Variants in IRAG2 observed in about 807,000 individuals in gnomAD.
The protein encoded by IRAG2 is lymphoid restricted membrane protein.
A neutral mutation model predicts 69.9 loss-of-function variants in IRAG2; 45 were observed. The observed-to-expected ratio is 0.64, with a 90% confidence interval of 0.51 to 0.83. The LOEUF is 0.83. Among genes scored for constraint, IRAG2 ranks in the 40% least tolerant of loss-of-function variants. IRAG2 has a pLI of 0.00. For synonymous variants in IRAG2, 193 were observed against 202.4 expected (o/e 0.95, Z 0.40); for missense variants, 520 against 587.0 (o/e 0.89, Z 1.18).
At chr12:25,017,101 G>A in intron 5 of IRAG2, 1 of 1,229,436 alleles carries the variant, frequency 8.1e-7, no homozygotes, top group Non-Finnish European at 1.0e-6. Flanking sequence ...TTAGTGATGT[G>A]AAGGTTATTC....
intron 5 of IRAG2, among the ~76,000 whole-genome samples, chr12:25,068,562 G>A (rs1401009860): frequency 1.3e-5 from 2 of 151,974 alleles, no homozygotes; most frequent in Admixed American, 6.6e-5. Context: ...AAGTTCCAAC[G>A]CTCAAACCAC....
chr12:25,028,189 T>C (rs1944639611), intron 9 of IRAG2, among the ~76,000 whole-genome samples: 1 of 152,194 alleles, frequency 6.6e-6, no homozygotes, highest in East Asian at 1.9e-4. Context: ...CCTCCCAAAG[T>C]GTTGGGATTA....
intron 5 of IRAG2, among the ~76,000 whole-genome samples, chr12:25,066,888 G>A (rs780044119): frequency 6.6e-6 from 1 of 151,962 alleles, no homozygotes; most frequent in Non-Finnish European, 1.5e-5. Context: ...GGCCTCAAGT[G>A]ATCTGCCCTC....
chr12:25,005,261 G>C, exon 2 of IRAG2: 1 of 1,229,348 alleles, frequency 8.1e-7, no homozygotes, highest in African/African-American at 1.6e-5. Flanking sequence ...AGAAGCTGAT[G>C]ATGGTAAAGA....
At chr12:25,048,029 G>T (rs1056717983), upstream of IRAG2, among the ~76,000 whole-genome samples, 3 of 152,140 alleles carry the variant, frequency 2.0e-5, no homozygotes, top group Admixed American at 1.3e-4. Context: ...AGATCTTTGA[G>T]GAATTACCAC....
chr12:25,047,962 T>A (rs1944811095), upstream of IRAG2, among the ~76,000 whole-genome samples: 1 of 152,206 alleles, frequency 6.6e-6, no homozygotes, highest in Non-Finnish European at 1.5e-5. Flanking sequence ...TTTATATTCC[T>A]TGGGTATATA....
intron 8 of IRAG2, among the ~76,000 whole-genome samples, chr12:25,025,064 T>C (rs930273015): frequency 6.6e-6 from 1 of 152,354 alleles, no homozygotes; most frequent in Admixed American, 6.5e-5. Context: ...CTTTTATTCA[T>C]TCATTCATTT....
At chr12:24,998,115 A>G in the IRAG2 span, among the ~76,000 whole-genome samples, 7 of 152,248 alleles carry the variant, frequency 4.6e-5, no homozygotes, top group South Asian at 1.4e-3. Context: ...CTCTGAGAAG[A>G]AAACCAGACT....
Position 25,087,153 on chromosome 12 carries a change from C to CTTTTTTTT in IRAG2, c.316-925_316-918dup. On this transcript the variant is annotated intron_variant, in intron 10 of 21. Transcript: ENST00000556887. ...TGGTGTCATGGTGCCACTCTCCTTC[C>CTTTTTTTT]TTTTTTTTTTTTTTTTTTTTTTTTT... Among the ~76,000 whole-genome samples, 77 of 76,678 alleles carry CTTTTTTTT rather than the reference C, an allele frequency of 1.0e-3. 7 individuals carry two copies. The highest frequency in any genetic ancestry group is 1.1e-3 in the Non-Finnish European group (46 of 42,618). 50.3% of individuals were successfully genotyped at this position (76,678 alleles called of 152,430 possible).
chr12:25,050,547 ACAAAC>A (rs771286610), upstream of IRAG2, among the ~76,000 whole-genome samples: 12,241 of 105,470 alleles, frequency 0.12, 2,897 homozygotes, highest in Non-Finnish European at 0.17. Flanking sequence ...AAACAAACAA[ACAAAC>A]AAAAAAAAAC....
rs768193372 is a variant in IRAG2 at position 25,096,862 on chromosome 12, G to A, written c.607-48G>A. On this transcript the variant is annotated intron_variant, in intron 14 of 21. Transcript: ENST00000556887. ...AACTTAGTCAGTGTTAGAATCACTC[G>A]CTGAATGCTTGTGTTAGATATCTTT... 1.8e-5 allele frequency: 28 copies of A among 1,519,722 alleles called. No homozygotes were observed. The South Asian group carries it at 2.2e-4, about 12-fold the overall frequency. 94.1% of individuals were successfully genotyped at this position (1,519,722 alleles called of 1,614,324 possible).
At chr12:25,079,968 GT>G (rs1947085927) in intron 9 of IRAG2, among the ~76,000 whole-genome samples, 1 of 152,108 alleles carries the variant, frequency 6.6e-6, no homozygotes, top group African/African-American at 2.4e-5. Context: ...CATAAGGATG[GT>G]ATCAATTTTT....
intron 6 of IRAG2, among the ~76,000 whole-genome samples, chr12:25,020,191 T>C (rs1208201866): frequency 6.6e-6 from 1 of 152,266 alleles, no homozygotes; most frequent in African/African-American, 2.4e-5. Context: ...AACTTCATGA[T>C]ATGGATTACC....
intron 16 of IRAG2, among the ~76,000 whole-genome samples, chr12:25,040,468 A>C (rs1039388580): frequency 6.6e-6 from 1 of 152,032 alleles, no homozygotes; most frequent in African/African-American, 2.4e-5. Context: ...GTGCCAGTGC[A>C]CTCTAGCAGC....
At chr12:25,090,490 AG>A (rs1416250162) in intron 14 of IRAG2, among the ~76,000 whole-genome samples, 1 of 152,092 alleles carries the variant, frequency 6.6e-6, no homozygotes, top group Non-Finnish European at 1.5e-5. Context: ...GATTGCAGGG[AG>A]CTATAATCAC....
chr12:25,074,504 T>C (rs1263236223), intron 6 of IRAG2, among the ~76,000 whole-genome samples: 2 of 152,218 alleles, frequency 1.3e-5, no homozygotes, highest in Non-Finnish European at 2.9e-5. Flanking sequence ...TGCAGTTCTT[T>C]TGGTTTGTTG....
At chr12:25,086,282 G>A (rs1166697204) in intron 10 of IRAG2, among the ~76,000 whole-genome samples, 2 of 152,022 alleles carry the variant, frequency 1.3e-5, no homozygotes, top group Non-Finnish European at 2.9e-5. Flanking sequence ...CATGTCACGG[G>A]TATGGGAAAC....
chr12:25,107,668 C>A, intron 21 of IRAG2, 149 bp from the exon 22 acceptor site: 1 of 711,812 alleles, frequency 1.4e-6, no homozygotes, highest in Non-Finnish European at 2.3e-6. Context: ...AGATTGTTTC[C>A]AAAACCAAAA....
At chr12:25,052,576 A>G, upstream of IRAG2, 1 of 397,428 alleles carries the variant, frequency 2.5e-6, no homozygotes, top group Non-Finnish European at 4.4e-6. Flanking sequence ...CTCTGCAGAA[A>G]GAGGCAACTT....
Sources: allele counts gnomAD v4.1 joint callset (sites outside exome capture counted in the v4.1 genomes callset), GRCh38; gene constraint gnomAD v4.1.1; transcripts MANE v1.5; gene names NCBI Gene and HGNC (gene_info 2026-07-23, HGNC 2026-07-21).